Variants in PRUNE2 observed in about 807,000 individuals in gnomAD.
PRUNE2 encodes the protein prune homolog 2 with BCH domain, also known as protein prune homolog 2.
PRUNE2 carries 164 observed loss-of-function variants against 252.0 expected under a neutral mutation model. That is an observed-to-expected ratio of 0.65 (90% CI 0.57 to 0.74). The LOEUF (loss-of-function observed/expected upper bound fraction) is 0.74, where lower values mean the gene tolerates loss of function less well. Ranked by LOEUF, PRUNE2 falls within the 30% of genes least tolerant of loss-of-function variation. PRUNE2 has a pLI of 0.00. For synonymous variants in PRUNE2, 1,292 were observed against 1,350.2 expected (o/e 0.96, Z 0.94); for missense variants, 3,495 against 3,711.0 (o/e 0.94, Z 1.51).
At chr9:76,701,408 A>G (rs891626558) in intron 9 of PRUNE2, among the ~76,000 whole-genome samples, 19 of 152,228 alleles carry the variant, frequency 1.2e-4, no homozygotes, top group African/African-American at 4.3e-4. Flanking sequence ...GAGCAAAGAA[A>G]TCTTGTTGAA....
At chr9:76,689,356 G>A (rs2044462014) in intron 9 of PRUNE2, among the ~76,000 whole-genome samples, 1 of 152,030 alleles carries the variant, frequency 6.6e-6, no homozygotes, top group Non-Finnish European at 1.5e-5. Context: ...GCATGGACTA[G>A]ATTTCTTTTC....
intron 6 of PRUNE2, among the ~76,000 whole-genome samples, chr9:76,797,211 T>G (rs2056173208): frequency 6.6e-6 from 1 of 152,172 alleles, no homozygotes. Flanking sequence ...AAGAATGTAT[T>G]TCATTAGTTA....
At position 76,846,496 on chromosome 9, in the gene PRUNE2, A is replaced by G; in HGVS notation, c.508+19T>C. Reference sequence around the variant, plus strand: ...TCCATTAAGCCTTCCAGTATTTAATAGGAAGAGCCATCTCTCACCTCTGAG... The same window carrying G: ...TCCATTAAGCCTTCCAGTATTTAATGGGAAGAGCCATCTCTCACCTCTGAG... On this transcript the variant is annotated intron_variant, in intron 4 of 18. Coordinates refer to ENST00000376718, the MANE Select transcript of PRUNE2 (RefSeq NM_015225.3). The G allele has an allele frequency of 6.2e-7, 1 of 1,602,496 alleles. No homozygotes were observed. Among genetic ancestry groups the G allele is most frequent in the Non-Finnish European group, 8.5e-7 (1 of 1,172,848 alleles).
chr9:76,851,588 A>T (rs2059965924), intron 2 of PRUNE2, among the ~76,000 whole-genome samples: 2 of 151,740 alleles, frequency 1.3e-5, no homozygotes, highest in Admixed American at 1.3e-4. Context: ...TAATTACCCA[A>T]GAGCAGCTAT....
intron 6 of PRUNE2, among the ~76,000 whole-genome samples, chr9:76,803,353 C>G (rs1157526988): frequency 2.6e-5 from 4 of 152,112 alleles, no homozygotes. Flanking sequence ...TTGGAGGAAG[C>G]AGTAACCTAT....
chr9:76,627,223 C>T (rs1159664429), intron 16 of PRUNE2, among the ~76,000 whole-genome samples: 7 of 145,126 alleles, frequency 4.8e-5, no homozygotes, highest in Non-Finnish European at 8.9e-5. Context: ...ACTTTAATCT[C>T]TTGAGTAGCT....
At chr9:76,714,685 G>A (rs1294522796) in intron 6 of PRUNE2, among the ~76,000 whole-genome samples, 2 of 152,190 alleles carry the variant, frequency 1.3e-5, no homozygotes, top group Non-Finnish European at 2.9e-5. Flanking sequence ...GCGTAAGACC[G>A]CACCCGGTCC....
rs369089443 is a variant in PRUNE2, at chr9:76,805,205, C to G, written c.756+18427G>C. On this transcript the variant is annotated intron_variant, in intron 6 of 18. Coordinates refer to ENST00000376718, the MANE Select transcript of PRUNE2 (RefSeq NM_015225.3). ...GTTCCAGCCTTCCCAGCTGAGGCCCCCCACCGCATGCAAGTGAGGCCACCC... is the reference window on the plus strand; with the variant it reads ...GTTCCAGCCTTCCCAGCTGAGGCCCGCCACCGCATGCAAGTGAGGCCACCC... Among the ~76,000 whole-genome samples, 51 of 152,328 alleles carry G rather than the reference C, an allele frequency of 3.3e-4. 2 individuals carry two copies. The South Asian group carries it at 0.011, about 32-fold the overall frequency.
chr9:76,870,118 A>G (rs1396849575), intron 1 of PRUNE2, among the ~76,000 whole-genome samples: 7 of 152,178 alleles, frequency 4.6e-5, no homozygotes, highest in African/African-American at 1.7e-4. Flanking sequence ...ATATCCAGAG[A>G]TTAACACATG....
chr9:76,784,239 GA>G (rs898543021), intron 6 of PRUNE2: 2 of 152,182 alleles, frequency 1.3e-5, no homozygotes, highest in African/African-American at 4.8e-5. Flanking sequence ...GGATGGGCAG[GA>G]AAACAGATCC....
rs1226730321 is a variant in PRUNE2, at chr9:76,611,415, TATATAG to T, written c.*3149_*3154del. On this transcript the variant is annotated 3_prime_UTR_variant, in exon 19 of 19. Transcript: ENST00000376718. ...TTATTTCTGAATTATACAGTGAGGC[TATATAG>T]ATATATTGTGTCATTAAAGACTTTT... The T allele has an allele frequency of 6.6e-6, 1 of 152,238 alleles. No individual in the cohort carries two copies. The highest frequency in any genetic ancestry group is 1.5e-5 in the Non-Finnish European group (1 of 68,046). The allele number at this position is 152,238 out of a possible 1,614,324, so 9.4% of individuals were successfully genotyped here. A position where few individuals can be genotyped will look rare whatever the true frequency, so the allele number is the denominator to read the frequency against.
chr9:76,713,633 T>C lies in PRUNE2; in HGVS notation c.845A>G (p.Tyr282Cys), dbSNP rs757106163. The C allele has an allele frequency of 3.7e-6, 6 of 1,603,850 alleles. No individual in the cohort carries two copies. The highest frequency in any genetic ancestry group is 4.5e-5 in the East Asian group (2 of 44,606). The change falls in exon 7 of 19, where the codon TAT (tyrosine) becomes TGT (cysteine). Residue 282 changes from tyrosine to cysteine, a missense_variant. Physicochemically the swap from Tyr to Cys is radical, Grantham distance 194. Transcript: ENST00000376718. ...TCTCGGCTGCTGCTCCTCTGACAGA[T>C]AGCTGGAGAACAGGATGAGGACATC... The part of the protein sequence containing the change: ...GFDVLILFSS[Y>C]LSEEQQPRRQ...
chr9:76,806,980 A>G (rs2056989153), intron 6 of PRUNE2, among the ~76,000 whole-genome samples: 1 of 151,312 alleles, frequency 6.6e-6, no homozygotes, highest in Non-Finnish European at 1.5e-5. Context: ...GAAGACTCCA[A>G]CCCAAGTAGA....
intron 9 of PRUNE2, among the ~76,000 whole-genome samples, chr9:76,696,919 C>A (rs139848591): frequency 2.0e-3 from 298 of 152,334 alleles, no homozygotes; most frequent in African/African-American, 6.1e-3. Context: ...GAATAACAGC[C>A]GTACTGCTCC....
intron 4 of PRUNE2, among the ~76,000 whole-genome samples, chr9:76,829,686 G>C (rs1023120841): frequency 1.3e-5 from 2 of 151,894 alleles, no homozygotes; most frequent in Non-Finnish European, 2.9e-5. Flanking sequence ...AGCAAAAATG[G>C]ATCAGTCTTC....
At chr9:76,636,771 C>CTA (rs1840236118) in intron 14 of PRUNE2, among the ~76,000 whole-genome samples, 1 of 151,838 alleles carries the variant, frequency 6.6e-6, no homozygotes, top group African/African-American at 2.4e-5. Context: ...AACCCCATCT[C>CTA]TACTAAAAAT....
chr9:76,620,450 T>C lies in PRUNE2; in HGVS notation c.9189-1063A>G, dbSNP rs146685015. ...GCCACTGTGCCCGGCCTCCCATAAA[T>C]ATTTTATTATTGACAAACAAACACT... On this transcript the variant is annotated intron_variant, in intron 17 of 18. Transcript: ENST00000376718. Among the ~76,000 whole-genome samples, 471 of 152,268 alleles carry C rather than the reference T, an allele frequency of 3.1e-3. 3 individuals are homozygous for C. Among genetic ancestry groups the C allele is most frequent in the Admixed American group, 4.9e-3 (75 of 15,288 alleles).
chr9:76,693,773 T>C (rs1262994637), intron 9 of PRUNE2, among the ~76,000 whole-genome samples: 3 of 151,886 alleles, frequency 2.0e-5, no homozygotes, highest in Non-Finnish European at 4.4e-5. Context: ...AGAAAGGGAG[T>C]AGATGAAGAA....
intron 9 of PRUNE2, among the ~76,000 whole-genome samples, chr9:76,682,422 C>T (rs1025725588): frequency 4.9e-5 from 7 of 143,788 alleles, no homozygotes; most frequent in South Asian, 2.2e-4. Context: ...AGTGCAGTGG[C>T]GTGATCTCGG....
Sources: gnomAD v4.1 joint callset for allele counts (sites outside exome capture counted in the v4.1 genomes callset) on GRCh38, gnomAD v4.1.1 for gene constraint, MANE v1.5 for transcripts, NCBI Gene and HGNC (gene_info 2026-07-23, HGNC 2026-07-21) for gene names.